The following INTS3 variants were observed in gnomAD, a reference collection of about 807,000 sequenced individuals.
INTS3 encodes integrator complex subunit 3.
INTS3 carries 34 observed loss-of-function variants against 146.3 expected under a neutral mutation model. The observed-to-expected ratio is 0.23, with a 90% CI of 0.18 to 0.31. The LOEUF is 0.31. Ranked by LOEUF, INTS3 falls within the 10% of genes least tolerant of loss-of-function variation. The pLI, the probability that INTS3 is intolerant of heterozygous loss-of-function variation, is 1.00. For synonymous variants in INTS3, 475 were observed against 494.9 expected (o/e 0.96, Z 0.53); for missense variants, 757 against 1,304.2 (o/e 0.58, Z 6.46).
intron 3 of INTS3, among the ~76,000 whole-genome samples, chr1:153,743,569 T>G (rs1671616173): frequency 1.3e-5 from 2 of 151,208 alleles, no homozygotes; most frequent in South Asian, 2.1e-4. Flanking sequence ...TGGGAAAGAG[T>G]AGAGGATGCA....
At position 153,765,004 on chromosome 1, in the gene INTS3, C is replaced by T. The variant is rs141149262; in HGVS notation, c.2031C>T (p.Ser677=). Residue 677 remains serine, a synonymous_variant, in exon 20 of 30, where the codon TCC becomes TCT. Coordinates refer to ENST00000318967, the MANE Select transcript of INTS3 (RefSeq NM_023015.5). ...SSFSLLLDLL[S]ELYQKQPKIG... ...TCTCTCTACTTCTAGACCTTCTCTCCGAGCTATATCAGAAGCAGCCCAAGA... is the reference window on the plus strand; with the variant it reads ...TCTCTCTACTTCTAGACCTTCTCTCTGAGCTATATCAGAAGCAGCCCAAGA... 2.8e-5 allele frequency: 45 copies of T among 1,614,008 alleles called. No homozygotes were observed. Among genetic ancestry groups the T allele is most frequent in the African/African-American group, 2.4e-4 (18 of 75,038 alleles).
intron 16 of INTS3, among the ~76,000 whole-genome samples, chr1:153,763,600 G>A (rs1010135852): frequency 6.6e-6 from 1 of 152,208 alleles, no homozygotes; most frequent in African/African-American, 2.4e-5. Context: ...CTTGGGAGAA[G>A]AACCTCTGAG....
intron 8 of INTS3, among the ~76,000 whole-genome samples, chr1:153,754,046 C>G (rs1672068877): frequency 6.6e-6 from 1 of 151,482 alleles, no homozygotes; most frequent in Non-Finnish European, 1.5e-5. Flanking sequence ...AGGGAGCCAC[C>G]TGCCTCGGCC....
chr1:153,763,194 CT>C, intron 15 of INTS3, 38 bp from the exon 16 acceptor site: 2 of 1,613,908 alleles, frequency 1.2e-6, no homozygotes, highest in South Asian at 2.2e-5. Flanking sequence ...TTGCTGGCAT[CT>C]GGGCAAACTG....
At chr1:153,769,703 C>T in intron 22 of INTS3, 66 bp from the exon 23 acceptor site, 1 of 1,075,676 alleles carries the variant, frequency 9.3e-7, no homozygotes, top group Non-Finnish European at 1.4e-6. Flanking sequence ...CTGCGTCCCC[C>T]TCCATACTAG....
At chr1:153,745,337 A>G (rs1036217593) in intron 3 of INTS3, among the ~76,000 whole-genome samples, 3 of 151,902 alleles carry the variant, frequency 2.0e-5, no homozygotes, top group Non-Finnish European at 2.9e-5. Flanking sequence ...TTGTATTTTT[A>G]GTAGAGATGG....
At chr1:153,744,038 CGT>C (rs200825280) in intron 3 of INTS3, among the ~76,000 whole-genome samples, 40,817 of 141,926 alleles carry the variant, frequency 0.29, 6,477 homozygotes, top group Admixed American at 0.48. Flanking sequence ...TGTGCATGTG[CGT>C]GTGTGTGTGT....
At chr1:153,769,886 G>A (rs1672747914) in intron 23 of INTS3, 42 bp downstream of exon 23, 2 of 1,358,410 alleles carry the variant, frequency 1.5e-6, no homozygotes, top group Non-Finnish European at 1.1e-6. Context: ...AGGAGAGGAG[G>A]GCAGGGTGTC....
chr1:153,729,537 C>G (rs1420961614), intron 1 of INTS3, among the ~76,000 whole-genome samples: 1 of 152,170 alleles, frequency 6.6e-6, no homozygotes, highest in Non-Finnish European at 1.5e-5. Flanking sequence ...ATCACGTATA[C>G]CTTTCCACTC....
intron 5 of INTS3, chr1:153,748,472 GT>G: frequency 3.3e-6 from 2 of 613,380 alleles, no homozygotes; most frequent in Non-Finnish European, 5.9e-6. Flanking sequence ...AGCAGCTCTG[GT>G]TTCTAGAAAA....
intron 3 of INTS3, among the ~76,000 whole-genome samples, chr1:153,744,399 C>T (rs547236907): frequency 6.6e-6 from 1 of 152,310 alleles, no homozygotes; most frequent in South Asian, 2.1e-4. Flanking sequence ...CTTCCTTTGT[C>T]CTCTGCCCAT....
chr1:153,769,546 A>C (rs1672732376), intron 22 of INTS3, among the ~76,000 whole-genome samples: 1 of 152,120 alleles, frequency 6.6e-6, no homozygotes, highest in South Asian at 2.1e-4. Flanking sequence ...TTTGCCCAAA[A>C]TAGTCCTAAG....
chr1:153,771,350 A>G (rs1285254498), intron 25 of INTS3, among the ~76,000 whole-genome samples: 2 of 152,184 alleles, frequency 1.3e-5, no homozygotes, highest in African/African-American at 4.8e-5. Flanking sequence ...AGAGTGTCCT[A>G]GAGGAAGTGG....
rs111310225 is a variant in INTS3, at chr1:153,751,495, T to C, written c.729+256T>C. 1.9e-3 allele frequency among the ~76,000 whole-genome samples: 293 copies of C among 152,348 alleles called. 2 individuals are homozygous for C. The highest frequency in any genetic ancestry group is 6.8e-3 in the African/African-American group (281 of 41,588). On this transcript the variant is annotated intron_variant, in intron 7 of 29. Transcript: ENST00000318967. ...GGTCAGCTTCAAGGATACTGTTGTA[T>C]ACCACAGACATAAGCTGTCCTTGTG...
At chr1:153,745,403 C>T (rs1474216322) in intron 3 of INTS3, among the ~76,000 whole-genome samples, 9 of 151,970 alleles carry the variant, frequency 5.9e-5, no homozygotes, top group African/African-American at 2.2e-4. Flanking sequence ...ATGATCCACA[C>T]GCCTCGGCCT....
chr1:153,770,798 A>C, intron 25 of INTS3, 65 bp downstream of exon 25: 1 of 1,299,814 alleles, frequency 7.7e-7, no homozygotes, highest in Non-Finnish European at 1.1e-6. Flanking sequence ...CTGTGGTCTA[A>C]AGGGCTTCTG....
At chr1:153,761,762 C>T in intron 14 of INTS3, 86 bp downstream of exon 14, 1 of 772,710 alleles carries the variant, frequency 1.3e-6, no homozygotes, top group Non-Finnish European at 2.2e-6. Context: ...TCAGGATGTC[C>T]CACACAGTTC....
At chr1:153,758,888 A>G (rs1558002768) in intron 10 of INTS3, among the ~76,000 whole-genome samples, 1 of 146,404 alleles carries the variant, frequency 6.8e-6, no homozygotes, top group Non-Finnish European at 1.5e-5. Flanking sequence ...TGGGAGGATC[A>G]CTTGAGCCCA....
chr1:153,750,866 T>C (rs763309479), intron 6 of INTS3: 6 of 470,372 alleles, frequency 1.3e-5, no homozygotes, highest in African/African-American at 2.0e-5. Flanking sequence ...TTGGCACTTA[T>C]CTTTATAGGC....
Sources: gnomAD v4.1 joint callset for allele counts (sites outside exome capture counted in the v4.1 genomes callset) on GRCh38, gnomAD v4.1.1 for gene constraint, MANE v1.5 for transcripts, NCBI Gene and HGNC (gene_info 2026-07-23, HGNC 2026-07-21) for gene names.